TUSC3: variants seen among roughly 807,000 people sequenced by gnomAD.
The protein encoded by TUSC3 is dolichyl-diphosphooligosaccharide--protein glycosyltransferase subunit TUSC3.
In TUSC3, 45 loss-of-function variants were observed where a neutral mutation model predicts 44.8. The observed-to-expected ratio is 1.00, with a 90% CI of 0.79 to 1.29. The LOEUF is 1.29. Ranked by LOEUF, TUSC3 falls within the 50% of genes most tolerant of loss-of-function variation. The probability of loss-of-function intolerance (pLI) is 0.00; values close to 1 mark genes in which losing one functional copy is unlikely to be tolerated. For missense variants in TUSC3, 519 were observed against 437.9 expected, an observed-to-expected ratio of 1.19 and a Z score of -1.65; for synonymous variants, 212 against 152.9, an observed-to-expected ratio of 1.39 and a Z score of -2.85.
At chr8:15,620,994 T>TGTGTGA (rs1262480965) in intron 1 of TUSC3, among the ~76,000 whole-genome samples, 1 of 142,954 alleles carries the variant, frequency 7.0e-6, no homozygotes, top group East Asian at 2.0e-4. Context: ...TGTGTGTCTG[T>TGTGTGA]GTGTGAGTGT....
At chr8:15,732,409 G>A (rs1810758901) in intron 7 of TUSC3, among the ~76,000 whole-genome samples, 1 of 152,100 alleles carries the variant, frequency 6.6e-6, no homozygotes, top group Non-Finnish European at 1.5e-5. Flanking sequence ...CATCTAAGAT[G>A]TGCCTTTCAC....
rs188094145 is a variant in TUSC3, at chr8:15,558,863, C to G, written c.138+18295C>G. ...GGATCGGTGGTGATATCCCCTTTAT[C>G]ATTTTTTATTGCGTCTGTTCGATTC... On this transcript the variant is annotated intron_variant, in intron 1 of 10. Transcript: ENST00000503731. Among the ~76,000 whole-genome samples, 3 of 150,828 alleles carry G rather than the reference C, an allele frequency of 2.0e-5. 1 individual carries two copies. The highest frequency in any genetic ancestry group is 7.3e-5 in the African/African-American group (3 of 41,176).
At chr8:15,823,445 A>C in the TUSC3 span, among the ~76,000 whole-genome samples, 1 of 152,336 alleles carries the variant, frequency 6.6e-6, no homozygotes, top group Admixed American at 6.5e-5. Flanking sequence ...TAAAGCCGTC[A>C]AGCAACATTT....
chr8:15,803,599 G>A, the TUSC3 span, among the ~76,000 whole-genome samples: 1 of 152,140 alleles, frequency 6.6e-6, no homozygotes, highest in African/African-American at 2.4e-5. Flanking sequence ...GAACGTGCAG[G>A]TTTGTTACAT....
intron 6 of TUSC3, among the ~76,000 whole-genome samples, chr8:15,678,287 G>T (rs1350324360): frequency 5.3e-5 from 8 of 152,184 alleles, no homozygotes; most frequent in African/African-American, 1.9e-4. Flanking sequence ...AAGAAATGCA[G>T]GTGCTGGTGG....
At chr8:15,599,698 G>A (rs1804203402) in intron 1 of TUSC3, among the ~76,000 whole-genome samples, 1 of 138,238 alleles carries the variant, frequency 7.2e-6, no homozygotes, top group Non-Finnish European at 1.6e-5. Context: ...TATATTGCTT[G>A]TGGTTTTTTT....
intron 8 of TUSC3, among the ~76,000 whole-genome samples, 163 bp downstream of exon 8, chr8:15,743,775 C>T (rs1395071324): frequency 6.6e-6 from 1 of 152,158 alleles, no homozygotes; most frequent in African/African-American, 2.4e-5. Flanking sequence ...TGTTCATATA[C>T]TTGAAAATAT....
intron 6 of TUSC3, among the ~76,000 whole-genome samples, chr8:15,702,879 G>C (rs142576291): frequency 2.0e-5 from 3 of 152,238 alleles, no homozygotes; most frequent in Middle Eastern, 3.4e-3. Context: ...TTTCAGCATT[G>C]CTAGGCATAG....
chr8:15,682,869 G>A (rs1185645755), intron 6 of TUSC3, among the ~76,000 whole-genome samples: 1 of 150,618 alleles, frequency 6.6e-6, no homozygotes, highest in Non-Finnish European at 1.5e-5. Flanking sequence ...TTCTCTTAGT[G>A]ATTGATTCTC....
At chr8:15,770,331 TCTCA>T (rs1472811010), downstream of TUSC3, among the ~76,000 whole-genome samples, 2 of 152,136 alleles carry the variant, frequency 1.3e-5, no homozygotes, top group African/African-American at 4.8e-5. Context: ...CACCGCGTGT[TCTCA>T]CTCATAAGTG....
At chr8:15,718,865 T>A (rs1179685827) in intron 6 of TUSC3, among the ~76,000 whole-genome samples, 1 of 152,116 alleles carries the variant, frequency 6.6e-6, no homozygotes, top group Non-Finnish European at 1.5e-5. Context: ...AGTTTTAATG[T>A]TGTTGCCTTT....
At chr8:15,541,344 C>T (rs1168143142) in intron 1 of TUSC3, among the ~76,000 whole-genome samples, 1 of 152,174 alleles carries the variant, frequency 6.6e-6, no homozygotes, top group East Asian at 1.9e-4. Context: ...GTTGATCTAG[C>T]TGCTTCAGCA....
intron 2 of TUSC3, among the ~76,000 whole-genome samples, chr8:15,646,929 C>T (rs1255074152): frequency 6.6e-6 from 1 of 152,096 alleles, no homozygotes; most frequent in Non-Finnish European, 1.5e-5. Flanking sequence ...TTGTTTATCA[C>T]TGTAACACTA....
intron 1 of TUSC3, among the ~76,000 whole-genome samples, chr8:15,436,637 A>C (rs145164902): frequency 6.6e-6 from 1 of 152,296 alleles, no homozygotes; most frequent in East Asian, 1.9e-4. Context: ...TGCATTACTT[A>C]TTGACTATGT....
At chr8:15,657,326 C>G (rs77077636) in intron 3 of TUSC3, among the ~76,000 whole-genome samples, 2 of 152,100 alleles carry the variant, frequency 1.3e-5, no homozygotes, top group Admixed American at 6.5e-5. Flanking sequence ...TTAAAGTAAG[C>G]CATACTGCAT....
intron 7 of TUSC3, among the ~76,000 whole-genome samples, chr8:15,733,065 A>C (rs1269994154): frequency 6.6e-6 from 1 of 152,176 alleles, no homozygotes; most frequent in African/African-American, 2.4e-5. Context: ...ATTTTTCAAC[A>C]AATGCTCAGT....
the TUSC3 span, among the ~76,000 whole-genome samples, chr8:15,773,722 T>A: frequency 6.6e-6 from 1 of 152,126 alleles, no homozygotes; most frequent in Non-Finnish European, 1.5e-5. Context: ...GTACCAAACA[T>A]AGGCACTAGT....
intron 1 of TUSC3, among the ~76,000 whole-genome samples, chr8:15,586,261 A>C (rs75517446): frequency 0.083 from 12,562 of 152,262 alleles, 600 homozygotes; most frequent in Middle Eastern, 0.14. Context: ...AGGTGAAAAC[A>C]AACAGCTTAC....
At position 15,676,927 on chromosome 8, in the gene TUSC3, G is replaced by A. The variant is rs567038515; in HGVS notation, c.798+3091G>A. Reference sequence around the variant, plus strand: ...GAAAAACTGAAATAGCTAGAGCTTAGGATCATGGTGACCTACATTTAATGT... The same window carrying A: ...GAAAAACTGAAATAGCTAGAGCTTAAGATCATGGTGACCTACATTTAATGT... On this transcript the variant is annotated intron_variant, in intron 6 of 10. Transcript: ENST00000503731. Among the ~76,000 whole-genome samples, 16 of 152,220 alleles carry A rather than the reference G, an allele frequency of 1.1e-4. No individual in the cohort carries two copies. In the South Asian group the frequency reaches 3.3e-3, roughly 32 times the overall value.
Sources: allele counts gnomAD v4.1 joint callset (sites outside exome capture counted in the v4.1 genomes callset), GRCh38; gene constraint gnomAD v4.1.1; transcripts MANE v1.5; gene names NCBI Gene and HGNC (gene_info 2026-07-23, HGNC 2026-07-21).